The following CAMTA1 variants were observed in gnomAD, a reference collection of about 807,000 sequenced individuals.
CAMTA1 encodes the protein calmodulin binding transcription activator 1.
In CAMTA1, 27 loss-of-function variants were observed where a neutral mutation model predicts 170.9. The observed-to-expected ratio is 0.16, with a 90% confidence interval of 0.12 to 0.22. The LOEUF is 0.22. Ranked by LOEUF, CAMTA1 falls within the 10% of genes least tolerant of loss-of-function variation. The probability of loss-of-function intolerance (pLI) is 1.00; values close to 1 mark genes in which losing one functional copy is unlikely to be tolerated. For missense variants in CAMTA1, 1,619 were observed against 2,217.2 expected (o/e 0.73, Z 5.42); for synonymous variants, 833 against 891.5 (o/e 0.93, Z 1.17).
Position 7,426,851 on chromosome 1 carries a change from G to A in CAMTA1, c.439-40979G>A, listed in dbSNP as rs7556586. 0.22 allele frequency among the ~76,000 whole-genome samples: 34,159 copies of A among 152,100 alleles called. 4,426 individuals are homozygous for A. The highest frequency in any genetic ancestry group is 0.52 in the East Asian group (2,707 of 5,166). On this transcript the variant is annotated intron_variant, in intron 5 of 22. Coordinates refer to ENST00000303635, the MANE Select transcript of CAMTA1 (RefSeq NM_015215.4). This position sits in a 1 kb window ranked among gnomAD's most constrained non-coding sequence, Gnocchi z 4.8. ...AAATTAGAGTTAAAAAGACCTGAACGGCTGTCCTCCTGGGAGTCAGGTTGA... is the reference window on the plus strand; with the variant it reads ...AAATTAGAGTTAAAAAGACCTGAACAGCTGTCCTCCTGGGAGTCAGGTTGA...
intron 5 of CAMTA1, among the ~76,000 whole-genome samples, chr1:7,306,727 A>G (rs1340278360): frequency 6.6e-6 from 1 of 151,944 alleles, no homozygotes; most frequent in Non-Finnish European, 1.5e-5. Context: ...CTTTGGGGGA[A>G]ACTGGAAACC....
intron 11 of CAMTA1, among the ~76,000 whole-genome samples, chr1:7,695,809 A>G (rs1485897413): frequency 6.6e-6 from 1 of 152,184 alleles, no homozygotes; most frequent in Non-Finnish European, 1.5e-5. Context: ...AATGTCATTT[A>G]GCACCAAAGG....
chr1:7,386,550 A>G (rs1054542786), intron 5 of CAMTA1, among the ~76,000 whole-genome samples: 13 of 152,130 alleles, frequency 8.5e-5, no homozygotes, highest in Admixed American at 5.9e-4. Context: ...TCTCTCTCCA[A>G]CTAACATCTG....
At chr1:7,723,853 C>G (rs1211982246) in intron 11 of CAMTA1, among the ~76,000 whole-genome samples, 1 of 152,164 alleles carries the variant, frequency 6.6e-6, no homozygotes, top group Non-Finnish European at 1.5e-5. Context: ...ACTCTGTCAC[C>G]CAGACTGGCA....
chr1:7,704,883 C>T (rs868487123), intron 11 of CAMTA1, among the ~76,000 whole-genome samples: 66 of 145,620 alleles, frequency 4.5e-4, no homozygotes, highest in African/African-American at 1.4e-3. Context: ...GAGCCGAGCT[C>T]AGCAGGTCCG....
intron 5 of CAMTA1, among the ~76,000 whole-genome samples, chr1:7,294,236 G>A (rs1673591319): frequency 6.6e-6 from 1 of 152,202 alleles, no homozygotes; most frequent in Non-Finnish European, 1.5e-5. Flanking sequence ...CAGCCAGGAT[G>A]TGGCCCTTTC....
chr1:7,417,800 G>A (rs887943151), intron 5 of CAMTA1, among the ~76,000 whole-genome samples: 1 of 152,142 alleles, frequency 6.6e-6, no homozygotes, highest in Non-Finnish European at 1.5e-5. Context: ...CCACCGTCCG[G>A]CACTCCCTAG....
In CAMTA1 at chr1:7,633,977, G is replaced by A. The variant is rs2148881660; in HGVS notation, c.511-6423G>A. 6.6e-6 allele frequency among the ~76,000 whole-genome samples: 1 copy of A among 152,332 alleles called. No homozygotes were observed. The highest frequency in any genetic ancestry group is 1.9e-4 in the East Asian group (1 of 5,176). On this transcript the variant is annotated intron_variant, in intron 6 of 22. Coordinates refer to ENST00000303635, the MANE Select transcript of CAMTA1 (RefSeq NM_015215.4). The surrounding 1 kb of genome is among the most constrained non-coding windows in gnomAD (Gnocchi z 4.1). ...CCCAGGGAGAGAAGCGGCAGATCTG[G>A]GGAATGGGGTGGCGGGAGCCAGGTG...
intron 4 of CAMTA1, among the ~76,000 whole-genome samples, chr1:7,180,842 C>A (rs1424757718): frequency 6.6e-6 from 1 of 152,114 alleles, no homozygotes. Flanking sequence ...ATTCTTCATT[C>A]TTTATTAATT....
chr1:7,147,013 T>TGCACCATGCACACACACTCATACAC (rs1270078331), intron 4 of CAMTA1, among the ~76,000 whole-genome samples: 2 of 151,626 alleles, frequency 1.3e-5, no homozygotes, highest in Non-Finnish European at 2.9e-5. Flanking sequence ...CACTCAAACA[T>TGCACCATGCACACACACTCATACAC]GCACCATGCA....
intron 3 of CAMTA1, among the ~76,000 whole-genome samples, chr1:6,862,432 A>G (rs11120779): frequency 0.32 from 49,142 of 152,088 alleles, 8,160 homozygotes; most frequent in Admixed American, 0.41. Context: ...CCATGGGTGC[A>G]TGGGTTGTTT....
chr1:7,471,007 G>A (rs1247370874), intron 6 of CAMTA1, among the ~76,000 whole-genome samples: 1 of 152,240 alleles, frequency 6.6e-6, no homozygotes, highest in African/African-American at 2.4e-5. Flanking sequence ...ATGTTCTGCT[G>A]TGGTGACGTA....
chr1:7,744,725 G>A, intron 16 of CAMTA1, 110 bp from the exon 17 acceptor site: 1 of 821,892 alleles, frequency 1.2e-6, no homozygotes, highest in South Asian at 1.8e-5. Flanking sequence ...GTGGAAGTCT[G>A]CCCTCCTGCC....
At chr1:7,751,135 G>A (rs1472979820) in intron 19 of CAMTA1, 64 bp from the exon 20 acceptor site, 8 of 1,307,884 alleles carry the variant, frequency 6.1e-6, no homozygotes, top group African/African-American at 1.5e-5. Context: ...CGGTAAGCTC[G>A]AAGGACGCTG....
At chr1:7,577,183 G>A (rs1418142323) in intron 6 of CAMTA1, among the ~76,000 whole-genome samples, 1 of 152,308 alleles carries the variant, frequency 6.6e-6, no homozygotes, top group South Asian at 2.1e-4. Context: ...GAGATCAGAG[G>A]CCTGGAGGAG....
chr1:7,175,931 C>T (rs953767956), intron 4 of CAMTA1, among the ~76,000 whole-genome samples: 26 of 152,310 alleles, frequency 1.7e-4, no homozygotes, highest in Middle Eastern at 3.4e-3. Flanking sequence ...TTGATCTTGT[C>T]GGTGGTCCCT....
chr1:7,207,669 T>A (rs8179413), intron 4 of CAMTA1, among the ~76,000 whole-genome samples: 2 of 151,848 alleles, frequency 1.3e-5, no homozygotes, highest in South Asian at 2.1e-4. Context: ...TGGCCTTGAC[T>A]CAGGTGTCCT....
At chr1:6,889,548 T>C (rs1390624568) in intron 3 of CAMTA1, among the ~76,000 whole-genome samples, 1 of 152,372 alleles carries the variant, frequency 6.6e-6, no homozygotes, top group South Asian at 2.1e-4. Context: ...CACTCGTCAG[T>C]GTCTGCTGCT....
At chr1:6,800,080 AG>A (rs2148186051) in intron 1 of CAMTA1, among the ~76,000 whole-genome samples, 1 of 152,144 alleles carries the variant, frequency 6.6e-6, no homozygotes, top group East Asian at 1.9e-4. Context: ...TTAATTTTTT[AG>A]GTCTGTCTGT....
Sources: allele counts gnomAD v4.1 joint callset (sites outside exome capture counted in the v4.1 genomes callset), GRCh38; gene constraint gnomAD v4.1.1; non-coding constraint Gnocchi (gnomAD v3.1); transcripts MANE v1.5; gene names NCBI Gene and HGNC (gene_info 2026-07-23, HGNC 2026-07-21).